MBD5: variants seen among roughly 807,000 people sequenced by gnomAD.
MBD5 encodes the protein methyl-CpG-binding domain protein 5.
MBD5 carries 13 observed loss-of-function variants against 117.3 expected under a neutral mutation model. The ratio of observed to expected loss-of-function variants is 0.11; its 90% confidence interval spans 0.07 to 0.18. MBD5 has a LOEUF of 0.18. Ranked by LOEUF, MBD5 falls within the 10% of genes least tolerant of loss-of-function variation. The pLI is 1.00. For missense variants in MBD5, 1,879 were observed against 2,093.8 expected, an observed-to-expected ratio of 0.90 and a Z score of 2.00; for synonymous variants, 727 against 766.4, an observed-to-expected ratio of 0.95 and a Z score of 0.85.
intron 1 of MBD5, among the ~76,000 whole-genome samples, chr2:148,088,259 T>C (rs1217212846): frequency 6.6e-6 from 1 of 152,088 alleles, no homozygotes; most frequent in Non-Finnish European, 1.5e-5. Context: ...AGGAAGAAGA[T>C]AAATTTAAAA....
At chr2:148,422,974 C>T (rs1183809975) in intron 4 of MBD5, among the ~76,000 whole-genome samples, 13 of 152,146 alleles carry the variant, frequency 8.5e-5, no homozygotes, top group Admixed American at 5.9e-4. Context: ...CTGAAAGTGA[C>T]GGGGAGAATG....
intron 1 of MBD5, among the ~76,000 whole-genome samples, chr2:148,136,414 T>A (rs1404216605): frequency 6.6e-6 from 1 of 152,076 alleles, no homozygotes; most frequent in African/African-American, 2.4e-5. Flanking sequence ...GAAGAAAAAC[T>A]TCAGGAAATT....
At chr2:148,044,860 TTACTC>T (rs967922165) in intron 1 of MBD5, 9 of 152,172 alleles carry the variant, frequency 5.9e-5, no homozygotes, top group African/African-American at 2.2e-4. Flanking sequence ...GTTTTGGTAA[TTACTC>T]TACAAAGATT....
chr2:148,177,647 G>GT (rs1698422946), intron 1 of MBD5, among the ~76,000 whole-genome samples: 1 of 152,132 alleles, frequency 6.6e-6, no homozygotes, highest in Non-Finnish European at 1.5e-5. Context: ...CAGTGAAATT[G>GT]TTTCTCAACT....
intron 2 of MBD5, among the ~76,000 whole-genome samples, chr2:148,180,653 C>T (rs1297781659): frequency 6.6e-6 from 1 of 151,962 alleles, no homozygotes; most frequent in East Asian, 1.9e-4. Flanking sequence ...GCCTCGGCCT[C>T]CCAAAGTGAT....
intron 1 of MBD5, among the ~76,000 whole-genome samples, chr2:148,042,128 T>C (rs923399380): frequency 3.3e-5 from 5 of 152,220 alleles, no homozygotes; most frequent in African/African-American, 1.2e-4. Flanking sequence ...CTGAGCACTT[T>C]AGTTGCAGAT....
intron 1 of MBD5, among the ~76,000 whole-genome samples, chr2:148,147,610 G>T (rs1263950570): frequency 6.6e-6 from 1 of 152,056 alleles, no homozygotes; most frequent in Non-Finnish European, 1.5e-5. Context: ...CCCTCAGTTT[G>T]TTGTTATTTG....
At chr2:148,076,903 G>A (rs755917213) in intron 1 of MBD5, among the ~76,000 whole-genome samples, 1 of 152,196 alleles carries the variant, frequency 6.6e-6, no homozygotes, top group Non-Finnish European at 1.5e-5. Context: ...TTGGAGATTG[G>A]CAAACTATTG....
At chr2:148,173,408 A>G (rs978029437) in intron 1 of MBD5, among the ~76,000 whole-genome samples, 45 of 152,328 alleles carry the variant, frequency 3.0e-4, no homozygotes, top group African/African-American at 1.1e-3. Context: ...GGCTCTGCGC[A>G]GTGGTCGGAC....
intron 1 of MBD5, among the ~76,000 whole-genome samples, chr2:148,104,408 T>C (rs928256046): frequency 2.0e-5 from 3 of 152,306 alleles, no homozygotes; most frequent in Non-Finnish European, 4.4e-5. Context: ...TTGTTACCCA[T>C]GAAACACTAA....
intron 1 of MBD5, among the ~76,000 whole-genome samples, chr2:148,119,294 G>T (rs2105393388): frequency 2.0e-5 from 3 of 152,006 alleles, no homozygotes; most frequent in Middle Eastern, 6.8e-3. Flanking sequence ...TGTCCTTATA[G>T]GCCACATTTA....
At chr2:148,282,899 G>GC (rs1414326656) in intron 3 of MBD5, among the ~76,000 whole-genome samples, 200 of 64,068 alleles carry the variant, frequency 3.1e-3, no homozygotes, top group Middle Eastern at 0.01. Context: ...AGACTTAACC[G>GC]CCCCCCCCCA....
chr2:148,402,026 G>A (rs115414466), intron 4 of MBD5, among the ~76,000 whole-genome samples: 2 of 151,940 alleles, frequency 1.3e-5, no homozygotes, highest in South Asian at 4.2e-4. Flanking sequence ...CCCGTTCTCG[G>A]TGCTTTATAG....
intron 3 of MBD5, among the ~76,000 whole-genome samples, chr2:148,337,145 C>T (rs1702818281): frequency 6.6e-6 from 1 of 152,124 alleles, no homozygotes. Context: ...TGCTCAGTTA[C>T]CTTAATCACA....
Position 148,393,796 on chromosome 2 carries a change from G to T in MBD5, c.-557+51460G>T, listed in dbSNP as rs569776673. 2.0e-3 allele frequency among the ~76,000 whole-genome samples: 309 copies of T among 152,210 alleles called. 1 individual carries two copies. Among genetic ancestry groups the T allele is most frequent in the Middle Eastern group, 3.4e-3 (1 of 294 alleles). On this transcript the variant is annotated intron_variant, in intron 4 of 13. Transcript: ENST00000642680. Reference sequence around the variant, plus strand: ...CCTCCTTTCAGATGAACTTCAGATAGAACAGATATTCTTGGTGTTCACATT... The same window carrying T: ...CCTCCTTTCAGATGAACTTCAGATATAACAGATATTCTTGGTGTTCACATT...
intron 2 of MBD5, among the ~76,000 whole-genome samples, chr2:148,225,312 CAAACA>C (rs879408363): frequency 1.8e-4 from 28 of 152,156 alleles, no homozygotes; most frequent in South Asian, 6.2e-4. Context: ...CATAAACAAA[CAAACA>C]AAAAACTAAT....
intron 2 of MBD5, among the ~76,000 whole-genome samples, chr2:148,213,454 G>A (rs1043349513): frequency 3.0e-4 from 45 of 152,036 alleles, no homozygotes; most frequent in African/African-American, 1.1e-3. Flanking sequence ...CAGGGAATAG[G>A]AGGACTTAAC....
chr2:148,037,299 A>C (rs2105643221), intron 1 of MBD5, among the ~76,000 whole-genome samples: 1 of 152,064 alleles, frequency 6.6e-6, no homozygotes, highest in African/African-American at 2.4e-5. Context: ...AAATGTTATA[A>C]ACAAGTTCTA....
chr2:148,127,135 T>C (rs1696919527), intron 1 of MBD5, among the ~76,000 whole-genome samples: 1 of 151,844 alleles, frequency 6.6e-6, no homozygotes, highest in Non-Finnish European at 1.5e-5. Context: ...GCCTGGCTAA[T>C]TTTTTGTATT....
Sources: allele counts gnomAD v4.1 joint callset (sites outside exome capture counted in the v4.1 genomes callset), GRCh38; gene constraint gnomAD v4.1.1; transcripts MANE v1.5; gene names NCBI Gene and HGNC (gene_info 2026-07-23, HGNC 2026-07-21).